SHROOM3: variants seen among roughly 807,000 people sequenced by gnomAD.
SHROOM3 encodes shroom family member 3.
Under a neutral mutation model 138.6 loss-of-function variants are expected in SHROOM3, and 47 were observed. The ratio of observed to expected loss-of-function variants is 0.34; its 90% CI spans 0.27 to 0.43. The LOEUF is 0.43. SHROOM3 is among the 20% of genes least tolerant of loss of function. SHROOM3 has a pLI of 1.00. For missense variants in SHROOM3, 2,491 were observed against 2,596.5 expected, an observed-to-expected ratio of 0.96 and a Z score of 0.88; for synonymous variants, 1,062 against 1,063.3, an observed-to-expected ratio of 1.00 and a Z score of 0.02.
At chr4:76,453,908 T>C (rs2109971387) in intron 1 of SHROOM3, among the ~76,000 whole-genome samples, 1 of 152,364 alleles carries the variant, frequency 6.6e-6, no homozygotes, top group South Asian at 2.1e-4. Flanking sequence ...TTTCTTTTGT[T>C]GTCTGTGCTT....
chr4:76,623,688 G>A (rs183707264), intron 2 of SHROOM3, among the ~76,000 whole-genome samples: 41 of 152,238 alleles, frequency 2.7e-4, no homozygotes, highest in African/African-American at 9.6e-4. Flanking sequence ...ACATGATACA[G>A]AACTATTTTC....
intron 1 of SHROOM3, among the ~76,000 whole-genome samples, chr4:76,553,831 A>AT (rs780382874): frequency 7.1e-4 from 108 of 152,320 alleles, no homozygotes; most frequent in African/African-American, 2.5e-3. Flanking sequence ...TATTAGGTTC[A>AT]TAAAAAAAAG....
chr4:76,583,252 C>T (rs1191059199), intron 2 of SHROOM3, among the ~76,000 whole-genome samples: 3 of 152,106 alleles, frequency 2.0e-5, no homozygotes, highest in Admixed American at 2.0e-4. Flanking sequence ...TGACTTAGGA[C>T]GGCATCATCT....
intron 2 of SHROOM3, among the ~76,000 whole-genome samples, chr4:76,667,665 A>G (rs1310369158): frequency 6.6e-6 from 1 of 151,912 alleles, no homozygotes; most frequent in Non-Finnish European, 1.5e-5. Flanking sequence ...CTAAGCAAAT[A>G]GAAGATGTTA....
intron 2 of SHROOM3, among the ~76,000 whole-genome samples, chr4:76,600,911 C>G (rs1195363524): frequency 6.6e-6 from 1 of 151,886 alleles, no homozygotes; most frequent in African/African-American, 2.4e-5. Flanking sequence ...GCCACTGAAT[C>G]CTCATGAAGC....
intron 2 of SHROOM3, among the ~76,000 whole-genome samples, chr4:76,701,047 A>G (rs1406667487): frequency 6.6e-6 from 1 of 152,184 alleles, no homozygotes; most frequent in African/African-American, 2.4e-5. Context: ...GGCCTCCCAA[A>G]GTGCTGGGAT....
intron 2 of SHROOM3, among the ~76,000 whole-genome samples, chr4:76,596,825 C>T (rs887081076): frequency 6.6e-6 from 1 of 152,204 alleles, no homozygotes; most frequent in Non-Finnish European, 1.5e-5. Flanking sequence ...GATTCTGTCC[C>T]CTACATCTAC....
At chr4:76,712,600 T>C (rs939026114) in intron 3 of SHROOM3, among the ~76,000 whole-genome samples, 5 of 152,200 alleles carry the variant, frequency 3.3e-5, no homozygotes, top group Admixed American at 3.3e-4. Flanking sequence ...GCTATGTCTG[T>C]ATGGAGAACA....
intron 9 of SHROOM3, among the ~76,000 whole-genome samples, chr4:76,760,410 C>T (rs937522873): frequency 6.6e-6 from 1 of 152,228 alleles, no homozygotes; most frequent in African/African-American, 2.4e-5. Context: ...GAGGGGCTGC[C>T]TTCTGCTGTG....
At chr4:76,640,396 A>C (rs1287241690) in intron 2 of SHROOM3, among the ~76,000 whole-genome samples, 1 of 152,168 alleles carries the variant, frequency 6.6e-6, no homozygotes, top group East Asian at 1.9e-4. Flanking sequence ...GGTGCTCTTC[A>C]CGCTCACCTG....
intron 2 of SHROOM3, among the ~76,000 whole-genome samples, chr4:76,708,369 G>A (rs1289378089): frequency 7.1e-6 from 1 of 141,798 alleles, no homozygotes; most frequent in Non-Finnish European, 1.5e-5. Context: ...AGTCTCTGGT[G>A]CCCAAGACAT....
chr4:76,708,782 A>G (rs1050977299), intron 2 of SHROOM3, among the ~76,000 whole-genome samples: 1 of 152,214 alleles, frequency 6.6e-6, no homozygotes. Context: ...ACCATGGTAC[A>G]CTGCCTCATG....
intron 1 of SHROOM3, among the ~76,000 whole-genome samples, chr4:76,487,318 A>G (rs561487299): frequency 6.6e-6 from 1 of 152,308 alleles, no homozygotes; most frequent in African/African-American, 2.4e-5. Flanking sequence ...GTATGGCTAT[A>G]CCACATTTTA....
chr4:76,484,640 G>C (rs118050344), intron 1 of SHROOM3, among the ~76,000 whole-genome samples: 1 of 152,164 alleles, frequency 6.6e-6, no homozygotes, highest in Admixed American at 6.5e-5. Context: ...TTACAGTTTA[G>C]CGGAAGCAGC....
At chr4:76,489,956 G>A (rs2109992777) in intron 1 of SHROOM3, among the ~76,000 whole-genome samples, 1 of 152,302 alleles carries the variant, frequency 6.6e-6, no homozygotes, top group East Asian at 1.9e-4. Flanking sequence ...ACCCTCCACA[G>A]TGTGGGGGCG....
chr4:76,474,253 G>C (rs958748551), intron 1 of SHROOM3, among the ~76,000 whole-genome samples: 1 of 152,196 alleles, frequency 6.6e-6, no homozygotes, highest in Admixed American at 6.5e-5. Context: ...AACACAGAGA[G>C]AGTATTAGTG....
intron 1 of SHROOM3, among the ~76,000 whole-genome samples, chr4:76,460,708 A>G (rs954555586): frequency 6.6e-6 from 1 of 151,502 alleles, no homozygotes; most frequent in Non-Finnish European, 1.5e-5. Flanking sequence ...CTCTTAGAAG[A>G]GGCCACTAGT....
chr4:76,641,893 T>C (rs1001615605), intron 2 of SHROOM3, among the ~76,000 whole-genome samples: 1 of 152,104 alleles, frequency 6.6e-6, no homozygotes, highest in African/African-American at 2.4e-5. Flanking sequence ...GGAAATATAC[T>C]CCAGGGAGAG....
At chr4:76,608,587 T>TTGGACAG (rs1734678585) in intron 2 of SHROOM3, among the ~76,000 whole-genome samples, 9 of 102,158 alleles carry the variant, frequency 8.8e-5, no homozygotes, top group African/African-American at 3.1e-4. Context: ...TAGCATAGCA[T>TTGGACAG]AGCATAGCAT....
Sources: gnomAD v4.1 joint callset for allele counts (sites outside exome capture counted in the v4.1 genomes callset) on GRCh38, gnomAD v4.1.1 for gene constraint, MANE v1.5 for transcripts, NCBI Gene and HGNC (gene_info 2026-07-23, HGNC 2026-07-21) for gene names.